The following ENPP6 variants were observed in gnomAD, a reference collection of about 807,000 sequenced individuals.
ENPP6 encodes the protein ectonucleotide pyrophosphatase/phosphodiesterase 6.
A neutral mutation model predicts 42.0 loss-of-function variants in ENPP6; 32 were observed. The ratio of observed to expected loss-of-function variants is 0.76; its 90% CI spans 0.58 to 1.02. The LOEUF is 1.02. ENPP6 is among the 50% of genes least tolerant of loss of function. ENPP6 has a pLI of 0.00. For missense variants in ENPP6, 552 were observed against 566.8 expected (o/e 0.97, Z 0.27); for synonymous variants, 213 against 216.0 (o/e 0.99, Z 0.12).
chr4:184,153,455 T>G, intron 2 of ENPP6, 99 bp downstream of exon 2: 2 of 1,360,552 alleles, frequency 1.5e-6, no homozygotes, highest in Non-Finnish European at 2.0e-6. Context: ...GATCCCATTT[T>G]CCAAACCACG....
intron 1 of ENPP6, among the ~76,000 whole-genome samples, chr4:184,195,756 T>G (rs1387659232): frequency 1.3e-4 from 20 of 152,232 alleles, no homozygotes; most frequent in Admixed American, 1.3e-3. Context: ...TAGATTTAGG[T>G]TTATTTAAAT....
chr4:184,153,430 T>C, intron 2 of ENPP6, 124 bp downstream of exon 2: 1 of 1,157,062 alleles, frequency 8.6e-7, no homozygotes, highest in Non-Finnish European at 1.2e-6. Context: ...AGCCAATACA[T>C]ATTTCTTAAA....
intron 6 of ENPP6, among the ~76,000 whole-genome samples, chr4:184,110,706 A>G (rs972621184): frequency 3.3e-5 from 5 of 152,224 alleles, no homozygotes; most frequent in African/African-American, 9.7e-5. Flanking sequence ...GCATTGCAGA[A>G]GAGCTTGCTT....
chr4:184,173,226 T>G (rs1401138191), intron 1 of ENPP6, among the ~76,000 whole-genome samples: 1 of 152,122 alleles, frequency 6.6e-6, no homozygotes, highest in Non-Finnish European at 1.5e-5. Flanking sequence ...TTAAAAGTGT[T>G]CATTGGAGCC....
intron 1 of ENPP6, 120 bp downstream of exon 1, chr4:184,217,459 G>T (rs368472008): frequency 4.4e-6 from 6 of 1,361,796 alleles, no homozygotes; most frequent in Non-Finnish European, 6.0e-6. Context: ...ATCTACCTTT[G>T]ATGTCCCAAA....
chr4:184,137,392 C>T (rs537009467), intron 2 of ENPP6, among the ~76,000 whole-genome samples: 122 of 152,340 alleles, frequency 8.0e-4, no homozygotes, highest in African/African-American at 2.6e-3. Flanking sequence ...CCACTGTGCC[C>T]GGCCTATAGT....
intron 2 of ENPP6, among the ~76,000 whole-genome samples, chr4:184,131,310 T>TCC (rs1259857602): frequency 9.6e-5 from 14 of 146,104 alleles, no homozygotes; most frequent in Admixed American, 3.4e-4. Context: ...CTTCCTTCCT[T>TCC]TCTCTCTCCT....
In ENPP6 at chr4:184,153,749, C is replaced by A; in HGVS notation, c.242-16G>T. 1 of 1,610,070 alleles carries A rather than the reference C, an allele frequency of 6.2e-7. No homozygotes were observed. The highest frequency in any genetic ancestry group is 8.5e-7 in the Non-Finnish European group (1 of 1,178,198). On this transcript the variant is annotated splice_polypyrimidine_tract_variant and intron_variant, in intron 1 of 7. Transcript: ENST00000296741. ...CAATGGCGGCCTATGTCAATGAGAA[C>A]ACAGCTGTCAGTTTACGGTTCTGGT...
At chr4:184,196,062 A>C (rs1303509190) in intron 1 of ENPP6, among the ~76,000 whole-genome samples, 2 of 152,218 alleles carry the variant, frequency 1.3e-5, no homozygotes, top group African/African-American at 4.8e-5. Flanking sequence ...CCCTGCTCAG[A>C]GATGTCACAG....
rs1043083108 is a variant in ENPP6 at position 184,147,824 on chromosome 4, C to G, written c.421+5730G>C. On this transcript the variant is annotated intron_variant, in intron 2 of 7. Transcript: ENST00000296741. The stretch of plus-strand genomic sequence containing the variant: ...TCAAAAAAAAAAAAAAAGTATTCAG[C>G]TTGGCTCTTAGAGCCTGGCCTGGCC... Among the ~76,000 whole-genome samples, 5 of 151,362 alleles carry G rather than the reference C, an allele frequency of 3.3e-5. No individual in the cohort carries two copies. In the South Asian group the frequency reaches 6.3e-4, roughly 19 times the overall value.
At position 184,187,309 on chromosome 4, in the gene ENPP6, G is replaced by T. The variant is rs552661270; in HGVS notation, c.241+30270C>A. ...GTCAGCTTGGGAGAAGTGAAACTTTGGCACCAAGGTGATGGACTTAAAGGA... is the reference window on the plus strand; with the variant it reads ...GTCAGCTTGGGAGAAGTGAAACTTTTGCACCAAGGTGATGGACTTAAAGGA... On this transcript the variant is annotated intron_variant, in intron 1 of 7. Coordinates refer to ENST00000296741, the MANE Select transcript of ENPP6 (RefSeq NM_153343.4). Among the ~76,000 whole-genome samples, 307 of 152,328 alleles carry T rather than the reference G, an allele frequency of 2.0e-3. 14 individuals carry two copies. The South Asian group carries it at 0.061, about 30-fold the overall frequency.
chr4:184,157,248 C>T (rs899863460), intron 1 of ENPP6, among the ~76,000 whole-genome samples: 1 of 152,186 alleles, frequency 6.6e-6, no homozygotes, highest in Non-Finnish European at 1.5e-5. Flanking sequence ...TGTTCCTTGT[C>T]TGTCAATCTC....
intron 1 of ENPP6, among the ~76,000 whole-genome samples, chr4:184,192,141 A>G (rs1732719747): frequency 6.6e-6 from 1 of 152,236 alleles, no homozygotes; most frequent in Admixed American, 6.5e-5. Context: ...CAAATTTAAT[A>G]TGAAAGTACA....
intron 1 of ENPP6, among the ~76,000 whole-genome samples, 199 bp downstream of exon 1, chr4:184,217,380 G>T (rs1733213847): frequency 6.6e-6 from 1 of 152,182 alleles, no homozygotes; most frequent in African/African-American, 2.4e-5. Context: ...AGGTCCTTGG[G>T]ATAACTTTTG....
At chr4:184,113,910 T>C (rs1229696699) in intron 5 of ENPP6, among the ~76,000 whole-genome samples, 2 of 122,334 alleles carry the variant, frequency 1.6e-5, no homozygotes, top group Non-Finnish European at 3.5e-5. Flanking sequence ...TTTCTTTCTT[T>C]CTTTCTTTCT....
chr4:184,107,963 G>GATA (rs1488149115), intron 6 of ENPP6, among the ~76,000 whole-genome samples: 1 of 151,614 alleles, frequency 6.6e-6, no homozygotes, highest in Non-Finnish European at 1.5e-5. Context: ...CTTTTTCAGT[G>GATA]ACGCCTCTCT....
chr4:184,147,671 T>C (rs908185307), intron 2 of ENPP6, among the ~76,000 whole-genome samples: 22 of 151,664 alleles, frequency 1.5e-4, no homozygotes, highest in African/African-American at 4.8e-4. Flanking sequence ...TGGGGAGGTG[T>C]GCCCCTATCA....
chr4:184,150,404 C>G (rs1008425864), intron 2 of ENPP6, among the ~76,000 whole-genome samples: 2 of 152,022 alleles, frequency 1.3e-5, no homozygotes, highest in South Asian at 4.2e-4. Flanking sequence ...CAGGCCTCAC[C>G]GAGAGGTCTG....
chr4:184,217,406 A>G lies in ENPP6; in HGVS notation c.241+173T>C, dbSNP rs532202093. ...ATAACTTTTGGGAAACAATACCGCC[A>G]CGAAAACAAAAGTCTTCTCAGCCAA... On this transcript the variant is annotated intron_variant, in intron 1 of 7. Transcript: ENST00000296741. 3.6e-3 allele frequency among the ~76,000 whole-genome samples: 542 copies of G among 152,356 alleles called. 2 individuals are homozygous for G. Among genetic ancestry groups the G allele is most frequent in the African/African-American group, 0.012 (516 of 41,590 alleles).
Sources: allele counts gnomAD v4.1 joint callset (sites outside exome capture counted in the v4.1 genomes callset), GRCh38; gene constraint gnomAD v4.1.1; transcripts MANE v1.5; gene names NCBI Gene and HGNC (gene_info 2026-07-23, HGNC 2026-07-21).